Variants in CERT1 observed in about 807,000 individuals in gnomAD.
The protein encoded by CERT1 is ceramide transporter 1.
A neutral mutation model predicts 87.9 loss-of-function variants in CERT1; 31 were observed. The observed-to-expected ratio is 0.35, with a 90% confidence interval of 0.27 to 0.48. CERT1 has a LOEUF of 0.48. Ranked by LOEUF, CERT1 falls within the 20% of genes least tolerant of loss-of-function variation. The pLI is 0.99. For missense variants in CERT1, 487 were observed against 758.0 expected (o/e 0.64, Z 4.20); for synonymous variants, 289 against 250.9 (o/e 1.15, Z -1.44).
chr5:75,431,362 C>A (rs1384643353), intron 3 of CERT1, among the ~76,000 whole-genome samples: 1 of 152,184 alleles, frequency 6.6e-6, no homozygotes, highest in Non-Finnish European at 1.5e-5. Context: ...TGGCCTCTAA[C>A]TGCATCCATT....
At chr5:75,476,443 C>T (rs978848936) in intron 2 of CERT1, among the ~76,000 whole-genome samples, 3 of 152,104 alleles carry the variant, frequency 2.0e-5, no homozygotes, top group African/African-American at 4.8e-5. Flanking sequence ...GTGCTCTCCA[C>T]GACAAATTCT....
chr5:75,456,382 AG>A (rs971872568), intron 3 of CERT1, among the ~76,000 whole-genome samples: 69 of 152,242 alleles, frequency 4.5e-4, no homozygotes, highest in African/African-American at 1.6e-3. Context: ...AAAATAAGAA[AG>A]GGTGGCTGGC....
intron 3 of CERT1, among the ~76,000 whole-genome samples, chr5:75,437,289 C>T (rs1423599520): frequency 1.3e-5 from 2 of 152,178 alleles, no homozygotes; most frequent in Non-Finnish European, 2.9e-5. Flanking sequence ...AAACAAGTAA[C>T]ATCATCTTAC....
chr5:75,485,504 GAATA>G (rs1190075536), intron 2 of CERT1, among the ~76,000 whole-genome samples: 4 of 151,258 alleles, frequency 2.6e-5, no homozygotes, highest in East Asian at 3.9e-4. Flanking sequence ...CAAATTAGCA[GAATA>G]AATAATAAAC....
At chr5:75,431,516 G>A (rs1763866222) in intron 3 of CERT1, among the ~76,000 whole-genome samples, 1 of 152,132 alleles carries the variant, frequency 6.6e-6, no homozygotes, top group African/African-American at 2.4e-5. Flanking sequence ...AGGAACTGTT[G>A]GCATCACCCA....
intron 5 of CERT1, among the ~76,000 whole-genome samples, chr5:75,422,525 G>C (rs1351723972): frequency 6.6e-6 from 1 of 152,198 alleles, no homozygotes; most frequent in African/African-American, 2.4e-5. Flanking sequence ...GCTGAGGTGG[G>C]AGGACTGCTT....
chr5:75,418,657 A>G (rs546273906), intron 6 of CERT1, among the ~76,000 whole-genome samples: 1 of 152,342 alleles, frequency 6.6e-6, no homozygotes, highest in African/African-American at 2.4e-5. Context: ...CTGAGCTATG[A>G]GAAGAACTGA....
At chr5:75,489,922 T>A (rs560147089) in intron 2 of CERT1, among the ~76,000 whole-genome samples, 1 of 152,292 alleles carries the variant, frequency 6.6e-6, no homozygotes, top group African/African-American at 2.4e-5. Context: ...ATACGTATGT[T>A]TACTGCAGCA....
rs1199785123 is a variant in CERT1 at position 75,505,969 on chromosome 5, A to G, written c.231+13T>C. 3 of 1,609,290 alleles carry G rather than the reference A, an allele frequency of 1.9e-6. No individual in the cohort carries two copies. In the South Asian group the frequency reaches 3.3e-5, roughly 18 times the overall value. ...AATAAATATTTGTTGAATGAAGAAG[A>G]AAAGGAACTTACTGTGATGACAGCC... is the stretch of plus-strand genomic sequence containing the variant. On this transcript the variant is annotated intron_variant, in intron 2 of 16. Coordinates refer to ENST00000643780, the MANE Select transcript of CERT1 (RefSeq NM_001379029.1).
At chr5:75,380,965 T>C (rs1761555951) in intron 16 of CERT1, 107 bp downstream of exon 16, 7 of 1,155,232 alleles carry the variant, frequency 6.1e-6, no homozygotes, top group African/African-American at 1.6e-5. Flanking sequence ...TAAAAATTAG[T>C]AATCTAATGG....
rs111842156 is a variant in CERT1 at position 75,469,306 on chromosome 5, C to T, written c.232-10125G>A. 7.9e-3 allele frequency among the ~76,000 whole-genome samples: 1,204 copies of T among 152,102 alleles called. 5 individuals carry two copies. Among genetic ancestry groups the T allele is most frequent in the Middle Eastern group, 0.02 (6 of 294 alleles). ...TTGAAAAGGAATAAAAGAAAGCTTACGGAATTTATGAGATAGCATTAAAAG... is the reference window on the plus strand; with the variant it reads ...TTGAAAAGGAATAAAAGAAAGCTTATGGAATTTATGAGATAGCATTAAAAG... On this transcript the variant is annotated intron_variant, in intron 2 of 16. Coordinates refer to ENST00000643780, the MANE Select transcript of CERT1 (RefSeq NM_001379029.1).
intron 3 of CERT1, among the ~76,000 whole-genome samples, chr5:75,427,911 C>G (rs889997453): frequency 6.6e-6 from 1 of 151,838 alleles, no homozygotes; most frequent in Non-Finnish European, 1.5e-5. Context: ...AAAATAATAT[C>G]TAATTATTTT....
At chr5:75,374,744 C>G, downstream of CERT1, 1 of 567,108 alleles carries the variant, frequency 1.8e-6, no homozygotes, top group Non-Finnish European at 3.4e-6. Flanking sequence ...GGAGAAGGAT[C>G]GAACACCTCC....
intron 7 of CERT1, among the ~76,000 whole-genome samples, chr5:75,413,236 A>G (rs1371024953): frequency 3.9e-5 from 6 of 152,238 alleles, no homozygotes; most frequent in African/African-American, 1.4e-4. Flanking sequence ...CCACAGTTGT[A>G]TATGTGGTCC....
At chr5:75,396,439 G>A (rs906542779) in intron 11 of CERT1, among the ~76,000 whole-genome samples, 6 of 152,048 alleles carry the variant, frequency 3.9e-5, no homozygotes, top group South Asian at 2.1e-4. Flanking sequence ...TATTAAGAAC[G>A]ATGTAGGCCA....
chr5:75,509,232 A>C (rs1561313493), intron 1 of CERT1, among the ~76,000 whole-genome samples: 2 of 152,212 alleles, frequency 1.3e-5, no homozygotes, highest in African/African-American at 2.4e-5. Flanking sequence ...GAAAAGAACA[A>C]AATCCGAGTT....
chr5:75,416,483 T>C (rs181206943), intron 7 of CERT1, among the ~76,000 whole-genome samples: 152 of 152,280 alleles, frequency 1.0e-3, no homozygotes, highest in African/African-American at 3.4e-3. Flanking sequence ...AAAAAATACA[T>C]GAGTATTACT....
rs190651374 is a variant in CERT1, at chr5:75,497,175, C to T, written c.231+8807G>A. ...CATGAGAATCTGTTCAAACATGACA[C>T]GCTACGTATCCCGGCTCTAGTGAGT... On this transcript the variant is annotated intron_variant, in intron 2 of 16. Coordinates refer to ENST00000643780, the MANE Select transcript of CERT1 (RefSeq NM_001379029.1). 7.2e-5 allele frequency among the ~76,000 whole-genome samples: 11 copies of T among 152,218 alleles called. No individual in the cohort carries two copies. The East Asian group carries it at 7.7e-4, about 11-fold the overall frequency.
chr5:75,510,135 G>C (rs1023943422), intron 1 of CERT1, among the ~76,000 whole-genome samples: 1 of 152,164 alleles, frequency 6.6e-6, no homozygotes, highest in African/African-American at 2.4e-5. Context: ...GCCACTGGCT[G>C]CACATGACAT....
Sources: allele counts gnomAD v4.1 joint callset (sites outside exome capture counted in the v4.1 genomes callset), GRCh38; gene constraint gnomAD v4.1.1; transcripts MANE v1.5; gene names NCBI Gene and HGNC (gene_info 2026-07-23, HGNC 2026-07-21).